Variants in MIPEP observed in about 807,000 individuals in gnomAD.
The protein encoded by MIPEP is mitochondrial intermediate peptidase.
A neutral mutation model predicts 90.3 loss-of-function variants in MIPEP; 79 were observed. The observed-to-expected ratio is 0.87, with a 90% CI of 0.73 to 1.05. The LOEUF (loss-of-function observed/expected upper bound fraction) is 1.05, where lower values mean the gene tolerates loss of function less well. MIPEP is among the 50% of genes least tolerant of loss of function. MIPEP has a pLI of 0.00. For missense variants in MIPEP, 940 were observed against 905.6 expected (o/e 1.04, Z -0.49); for synonymous variants, 334 against 315.8 (o/e 1.06, Z -0.61).
intron 18 of MIPEP, among the ~76,000 whole-genome samples, chr13:23,747,798 T>C (rs956826979): frequency 7.2e-5 from 11 of 152,202 alleles, no homozygotes; most frequent in African/African-American, 2.7e-4. Flanking sequence ...TGGAGTGCAG[T>C]GGTGTGATTT....
At chr13:23,801,256 C>T (rs745355412) in intron 16 of MIPEP, among the ~76,000 whole-genome samples, 5 of 152,148 alleles carry the variant, frequency 3.3e-5, no homozygotes, top group African/African-American at 9.7e-5. Context: ...GTCCCATTCC[C>T]GTGGATCTTG....
intron 16 of MIPEP, among the ~76,000 whole-genome samples, chr13:23,779,899 G>C (rs957539191): frequency 6.6e-6 from 1 of 152,196 alleles, no homozygotes; most frequent in Non-Finnish European, 1.5e-5. Context: ...AGGCAGCAGC[G>C]AGGCTGGGGG....
chr13:23,778,136 G>A (rs1264066492), intron 16 of MIPEP, among the ~76,000 whole-genome samples: 1 of 152,094 alleles, frequency 6.6e-6, no homozygotes, highest in African/African-American at 2.4e-5. Context: ...TAGCTTTTGA[G>A]TGTCTGAGTT....
intron 16 of MIPEP, among the ~76,000 whole-genome samples, chr13:23,762,937 C>T (rs916728148): frequency 6.6e-5 from 10 of 152,192 alleles, no homozygotes; most frequent in African/African-American, 2.2e-4. Flanking sequence ...GTGGCCTGCA[C>T]AGTCTTTTGC....
At chr13:23,861,618 T>C (rs973924170) in intron 9 of MIPEP, among the ~76,000 whole-genome samples, 3 of 152,162 alleles carry the variant, frequency 2.0e-5, no homozygotes, top group African/African-American at 7.2e-5. Context: ...CAGCAGCAAC[T>C]AAGTCAAGAA....
chr13:23,868,734 A>G (rs1196244013), intron 7 of MIPEP, among the ~76,000 whole-genome samples: 1 of 152,186 alleles, frequency 6.6e-6, no homozygotes, highest in Non-Finnish European at 1.5e-5. Context: ...GTACATTTAT[A>G]TTATTATTGT....
At chr13:23,812,141 C>T (rs1953178766) in intron 14 of MIPEP, among the ~76,000 whole-genome samples, 1 of 152,056 alleles carries the variant, frequency 6.6e-6, no homozygotes, top group South Asian at 2.1e-4. Context: ...CCCAAAACTT[C>T]TCAGCTAGCA....
At chr13:23,775,599 C>T (rs184448010) in intron 16 of MIPEP, among the ~76,000 whole-genome samples, 1 of 152,180 alleles carries the variant, frequency 6.6e-6, no homozygotes, top group African/African-American at 2.4e-5. Flanking sequence ...GGTCTATGTG[C>T]ATATATGTTT....
rs1871690443 is a variant in MIPEP, at chr13:23,889,262, C to T, written c.59G>A (p.Arg20His). 1.4e-6 allele frequency: 2 copies of T among 1,386,020 alleles called. No individual in the cohort carries two copies. Among genetic ancestry groups the T allele is most frequent in the Non-Finnish European group, 1.9e-6 (2 of 1,069,524 alleles). The allele number at this position is 1,386,020 out of a possible 1,614,324, so 85.9% of individuals were successfully genotyped here. The change falls in exon 1 of 19, where the codon CGC becomes CAC. Residue 20 changes from arginine (R) to histidine (H), a missense_variant. By Grantham distance (29) the Arg-to-His change is conservative. Coordinates refer to ENST00000382172, the MANE Select transcript of MIPEP (RefSeq NM_005932.4). ...LGARAAALPP[R>H]RAGRGSLEAG... is the part of the protein sequence containing the mutation. The stretch of plus-strand genomic sequence containing the variant: ...TTCGAGGCTTCCCCGGCCCGCCCGG[C>T]GGGGCGGCAGAGCTGCTGCTCTGGC...
At chr13:23,824,358 T>C (rs955411375) in intron 14 of MIPEP, among the ~76,000 whole-genome samples, 1 of 152,236 alleles carries the variant, frequency 6.6e-6, no homozygotes, top group Non-Finnish European at 1.5e-5. Context: ...GGTGAGAAGC[T>C]GCATATATAT....
intron 5 of MIPEP, 45 bp downstream of exon 5, chr13:23,874,801 T>C: frequency 2.0e-6 from 3 of 1,491,546 alleles, no homozygotes; most frequent in Non-Finnish European, 2.7e-6. Flanking sequence ...ATCAACTAAA[T>C]GTTAGTAAAA....
At chr13:23,816,494 G>A (rs1386247072) in intron 14 of MIPEP, among the ~76,000 whole-genome samples, 2 of 151,462 alleles carry the variant, frequency 1.3e-5, no homozygotes, top group Non-Finnish European at 2.9e-5. Context: ...GTGATATCGT[G>A]GCTTTATTAC....
chr13:23,846,348 T>G (rs1309860914), intron 10 of MIPEP, among the ~76,000 whole-genome samples: 2 of 152,202 alleles, frequency 1.3e-5, no homozygotes, highest in African/African-American at 2.4e-5. Flanking sequence ...CAAAATCCTG[T>G]GCTTTAGAAA....
intron 7 of MIPEP, among the ~76,000 whole-genome samples, chr13:23,865,286 T>C (rs950565719): frequency 2.0e-5 from 3 of 152,234 alleles, no homozygotes; most frequent in African/African-American, 4.8e-5. Flanking sequence ...TATACAGTTT[T>C]AAGTTTCCTG....
intron 16 of MIPEP, among the ~76,000 whole-genome samples, chr13:23,774,784 C>CTTTTTTTTT (rs67628137): frequency 1.5e-5 from 1 of 68,250 alleles, no homozygotes; most frequent in African/African-American, 6.4e-5. Flanking sequence ...TTTATCAGTT[C>CTTTTTTTTT]TTTTTTTTTT....
At chr13:23,839,547 CTT>C (rs1869204105) in intron 12 of MIPEP, 100 bp downstream of exon 12, 13 of 684,208 alleles carry the variant, frequency 1.9e-5, no homozygotes. Flanking sequence ...TCATTAGTAA[CTT>C]TTAAATGTCA....
intron 14 of MIPEP, among the ~76,000 whole-genome samples, chr13:23,829,014 A>T (rs1868608457): frequency 6.6e-6 from 1 of 152,222 alleles, no homozygotes; most frequent in Non-Finnish European, 1.5e-5. Context: ...AAACAATGGA[A>T]TGAAAGAGAA....
chr13:23,758,681 GT>G (rs1952510158), intron 17 of MIPEP, among the ~76,000 whole-genome samples: 1 of 152,222 alleles, frequency 6.6e-6, no homozygotes, highest in Non-Finnish European at 1.5e-5. Context: ...CAAAATACAT[GT>G]GAGTACCAAG....
At position 23,832,318 on chromosome 13, in the gene MIPEP, G is replaced by A. The variant is rs142588060; in HGVS notation, c.1653+3922C>T. ...CAGTAGGAAGGCGCTCATCAGATAC[G>A]GCCCCTTGACCTTGGACTTCTCAGC... On this transcript the variant is annotated intron_variant, in intron 14 of 18. Transcript: ENST00000382172. Among the ~76,000 whole-genome samples, 3 of 152,124 alleles carry A rather than the reference G, an allele frequency of 2.0e-5. No individual in the cohort carries two copies. In the East Asian group the frequency reaches 5.8e-4, roughly 29 times the overall value.
Sources: allele counts gnomAD v4.1 joint callset (sites outside exome capture counted in the v4.1 genomes callset), GRCh38; gene constraint gnomAD v4.1.1; transcripts MANE v1.5; gene names NCBI Gene and HGNC (gene_info 2026-07-23, HGNC 2026-07-21).